The following WDFY3 variants were observed in gnomAD, a reference collection of about 807,000 sequenced individuals.
The protein encoded by WDFY3 is WD repeat and FYVE domain-containing protein 3.
A neutral mutation model predicts 409.6 loss-of-function variants in WDFY3; 66 were observed. That is an observed-to-expected ratio of 0.16 (90% CI 0.13 to 0.20). The LOEUF (loss-of-function observed/expected upper bound fraction) is 0.20. WDFY3 is among the 10% of genes least tolerant of loss of function. The probability of loss-of-function intolerance (pLI) is 1.00; values close to 1 mark genes in which losing one functional copy is unlikely to be tolerated. For synonymous variants in WDFY3, 1,521 were observed against 1,537.1 expected (o/e 0.99, Z 0.25); for missense variants, 3,031 against 4,298.1 (o/e 0.71, Z 8.24).
intron 2 of WDFY3, among the ~76,000 whole-genome samples, chr4:84,912,048 T>G (rs888062167): frequency 6.6e-6 from 1 of 152,214 alleles, no homozygotes; most frequent in Non-Finnish European, 1.5e-5. Flanking sequence ...CAGAGCAGTT[T>G]GTCTCTCCAG....
chr4:84,712,662 G>A (rs929888658), intron 51 of WDFY3, among the ~76,000 whole-genome samples: 4 of 151,680 alleles, frequency 2.6e-5, no homozygotes, highest in African/African-American at 9.7e-5. Flanking sequence ...GTTGCAGTGA[G>A]CCAAGACGTG....
chr4:84,923,504 A>C (rs1348472770), intron 2 of WDFY3, among the ~76,000 whole-genome samples: 1 of 152,148 alleles, frequency 6.6e-6, no homozygotes, highest in Non-Finnish European at 1.5e-5. Flanking sequence ...TGCCACATAA[A>C]GCTTTTATTA....
chr4:84,829,906 A>T (rs1339727944), intron 8 of WDFY3, among the ~76,000 whole-genome samples: 7 of 151,714 alleles, frequency 4.6e-5, no homozygotes, highest in African/African-American at 1.4e-4. Context: ...ACAATTTTTT[A>T]AATTTTATTT....
chr4:84,765,773 G>A (rs1288755063), intron 32 of WDFY3, 37 bp downstream of exon 32: 11 of 1,574,268 alleles, frequency 7.0e-6, no homozygotes, highest in Non-Finnish European at 9.6e-6. Context: ...AAACACACCA[G>A]CTCATTTTCA....
Position 84,821,280 on chromosome 4 carries a change from A to G in WDFY3, c.1395T>C (p.Ser465=), listed in dbSNP as rs781074538. 2 of 1,613,802 alleles carry G rather than the reference A, an allele frequency of 1.2e-6. No individual in the cohort carries two copies. Among genetic ancestry groups the G allele is most frequent in the South Asian group, 2.2e-5 (2 of 91,082 alleles). The change falls in exon 11 of 68, where the codon AGT becomes AGC. Residue 465 remains serine, a synonymous_variant. Coordinates refer to ENST00000295888, the MANE Select transcript of WDFY3 (RefSeq NM_014991.6). The part of the protein sequence containing the change: ...LNYIPCKELI[S]VSILLKSSSS... ...AGCTAGATTTTAAGAGGATACTGAC[A>G]CTAATAAGTTCTTTACAAGGTATAT...
At chr4:84,738,630 AAAG>A (rs1737876671) in intron 40 of WDFY3, among the ~76,000 whole-genome samples, 1 of 152,068 alleles carries the variant, frequency 6.6e-6, no homozygotes, top group Non-Finnish European at 1.5e-5. Flanking sequence ...GAGAGAGTAT[AAAG>A]AAGAATAAAA....
intron 40 of WDFY3, 61 bp from the exon 41 acceptor site, chr4:84,737,427 G>T: frequency 6.8e-7 from 1 of 1,465,040 alleles, no homozygotes; most frequent in East Asian, 2.4e-5. Context: ...ACAGTATAAA[G>T]TTAGTTTTTA....
chr4:84,876,661 A>G (rs533698397), intron 3 of WDFY3, among the ~76,000 whole-genome samples: 1 of 152,214 alleles, frequency 6.6e-6, no homozygotes, highest in East Asian at 1.9e-4. Flanking sequence ...AGTTCATAGT[A>G]AGTGGTTGGT....
In WDFY3 at chr4:84,876,518, G is replaced by C. The variant is rs550121430; in HGVS notation, c.-31-15896C>G. Among the ~76,000 whole-genome samples the C allele has an allele frequency of 8.5e-5, 13 of 152,276 alleles. 1 individual carries two copies. The highest frequency in any genetic ancestry group is 6.5e-4 in the Admixed American group (10 of 15,296). ...GCACTTAGATTAGTATTTGGCACAA[G>C]TGCTCAGTAAGAGAGGGCTATTATT... On this transcript the variant is annotated intron_variant, in intron 3 of 67. Transcript: ENST00000295888.
intron 56 of WDFY3, among the ~76,000 whole-genome samples, chr4:84,699,614 G>A (rs765808063): frequency 6.6e-6 from 1 of 151,972 alleles, no homozygotes; most frequent in Non-Finnish European, 1.5e-5. Context: ...TTAACTTTTT[G>A]AGGAACTGCC....
At chr4:84,881,055 T>C (rs1453505695) in intron 3 of WDFY3, among the ~76,000 whole-genome samples, 3 of 152,006 alleles carry the variant, frequency 2.0e-5, no homozygotes, top group Non-Finnish European at 4.4e-5. Context: ...TCTTCAATTG[T>C]TTGTCACATA....
At chr4:84,961,982 T>A (rs150807041) in intron 1 of WDFY3, among the ~76,000 whole-genome samples, 1 of 152,350 alleles carries the variant, frequency 6.6e-6, no homozygotes, top group Non-Finnish European at 1.5e-5. Flanking sequence ...AACATTTTTG[T>A]CCCTCACATA....
chr4:84,776,948 TAGG>T (rs1745655601), intron 27 of WDFY3, among the ~76,000 whole-genome samples: 1 of 151,980 alleles, frequency 6.6e-6, no homozygotes, highest in Middle Eastern at 3.2e-3. Context: ...CTAGTATGAA[TAGG>T]AGAAGAATTG....
Position 84,772,708 on chromosome 4 carries a change from T to C in WDFY3, c.4849+127A>G, listed in dbSNP as rs190755871. The C allele has an allele frequency of 1.0e-4, 77 of 753,958 alleles. No homozygotes were observed. The African/African-American group carries it at 1.4e-3, about 13-fold the overall frequency. The allele number at this position is 753,958 out of a possible 1,614,324, so 46.7% of individuals were successfully genotyped here. Reference sequence around the variant, plus strand: ...CATCAGAGAAGGGCCAAAAACGTAATGTAAGGAGAAAAGTTATACATATAT... The same window carrying C: ...CATCAGAGAAGGGCCAAAAACGTAACGTAAGGAGAAAAGTTATACATATAT... On this transcript the variant is annotated intron_variant, in intron 30 of 67. Transcript: ENST00000295888.
At chr4:84,790,017 G>T in intron 21 of WDFY3, 110 bp from the exon 22 acceptor site, 1 of 1,166,606 alleles carries the variant, frequency 8.6e-7, no homozygotes, top group Non-Finnish European at 1.2e-6. Flanking sequence ...AAATAATGAT[G>T]CAGACTGATT....
In WDFY3 at chr4:84,687,872, T is replaced by C. The variant is rs78999263; in HGVS notation, c.9543+214A>G. The C allele has an allele frequency of 0.016, 7,427 of 453,986 alleles. 426 individuals are homozygous for C. Among genetic ancestry groups the C allele is most frequent in the African/African-American group, 0.13 (6,677 of 49,882 alleles). The allele number at this position is 453,986 out of a possible 1,614,324, so 28.1% of individuals were successfully genotyped here. On this transcript the variant is annotated intron_variant, in intron 62 of 67. Transcript: ENST00000295888. ...CTTAGGCAACTTGGTGGTCTCTGAC[T>C]TTCAGGAGGTCACCAAATCGGTGCT...
chr4:84,849,970 T>C lies in WDFY3; in HGVS notation c.236A>G (p.Gln79Arg). ...TAGTCGTGAGACTTGTGTTGTGAAC[T>C]GCAGAAGATCAGAAAATTTTTCTGT... ...TMTEKFSDLL[Q>R]FTTQVSRLMV... The change falls in exon 5 of 68, where the codon CAG (glutamine) becomes CGG (arginine). Residue 79 changes from glutamine to arginine, a missense_variant. Transcript: ENST00000295888. The C allele has an allele frequency of 6.2e-7, 1 of 1,610,204 alleles. No homozygotes were observed. Among genetic ancestry groups the C allele is most frequent in the East Asian group, 2.2e-5 (1 of 44,636 alleles).
intron 1 of WDFY3, among the ~76,000 whole-genome samples, chr4:84,963,853 GATTA>G (rs1286041893): frequency 1.3e-5 from 2 of 152,132 alleles, no homozygotes; most frequent in Admixed American, 1.3e-4. Context: ...TGTAAAATGG[GATTA>G]ATATTTTCCT....
chr4:84,861,029 G>A (rs907900254), intron 3 of WDFY3, among the ~76,000 whole-genome samples: 5 of 152,028 alleles, frequency 3.3e-5, no homozygotes, highest in Non-Finnish European at 1.5e-5. Context: ...TGGGCAATAT[G>A]ACAAAACCCT....
Sources: gnomAD v4.1 joint callset for allele counts (sites outside exome capture counted in the v4.1 genomes callset) on GRCh38, gnomAD v4.1.1 for gene constraint, MANE v1.5 for transcripts, NCBI Gene and HGNC (gene_info 2026-07-23, HGNC 2026-07-21) for gene names.